Variants in PARN observed in about 807,000 individuals in gnomAD.
PARN encodes the protein poly(A)-specific ribonuclease PARN.
A neutral mutation model predicts 102.8 loss-of-function variants in PARN; 71 were observed. The ratio of observed to expected loss-of-function variants is 0.69; its 90% CI spans 0.57 to 0.84. PARN has a LOEUF of 0.84. Ranked by LOEUF, PARN falls within the 40% of genes least tolerant of loss-of-function variation. The pLI, the probability that PARN is intolerant of heterozygous loss-of-function variation, is 0.00. For missense variants in PARN, 782 were observed against 760.9 expected, an observed-to-expected ratio of 1.03 and a Z score of -0.33; for synonymous variants, 261 against 252.9, an observed-to-expected ratio of 1.03 and a Z score of -0.30.
At chr16:14,498,418 G>C (rs1248009593) in intron 21 of PARN, among the ~76,000 whole-genome samples, 1 of 152,124 alleles carries the variant, frequency 6.6e-6, no homozygotes, top group Admixed American at 6.5e-5. Flanking sequence ...CATGCTCCTA[G>C]CATTGGAAGC....
intron 18 of PARN, among the ~76,000 whole-genome samples, chr16:14,563,088 T>C (rs1248296035): frequency 6.6e-6 from 1 of 152,184 alleles, no homozygotes; most frequent in African/African-American, 2.4e-5. Flanking sequence ...CAGGAATACT[T>C]TGGATGGAGA....
At chr16:14,503,821 G>C (rs566853642) in intron 21 of PARN, among the ~76,000 whole-genome samples, 325 of 152,322 alleles carry the variant, frequency 2.1e-3, no homozygotes, top group Non-Finnish European at 3.6e-3. Flanking sequence ...CTTGTCCATA[G>C]TCTTGCAGCT....
intron 11 of PARN, among the ~76,000 whole-genome samples, chr16:14,603,229 C>G (rs544627044): frequency 6.6e-6 from 1 of 152,242 alleles, no homozygotes; most frequent in South Asian, 2.1e-4. Context: ...CACCTGGCCT[C>G]TAACTGGCAC....
At chr16:14,553,913 A>G (rs939430343) in intron 20 of PARN, among the ~76,000 whole-genome samples, 152 bp downstream of exon 20, 2 of 152,268 alleles carry the variant, frequency 1.3e-5, no homozygotes, top group African/African-American at 4.8e-5. Flanking sequence ...CAAAGATAAC[A>G]GTATCCTAAA....
intron 18 of PARN, among the ~76,000 whole-genome samples, chr16:14,573,692 G>A (rs1222256058): frequency 2.0e-5 from 3 of 151,978 alleles, no homozygotes; most frequent in Non-Finnish European, 4.4e-5. Context: ...TTATGGGGGC[G>A]GATCTTTCCT....
At chr16:14,615,897 T>G (rs563951625) in intron 6 of PARN, among the ~76,000 whole-genome samples, 220 of 145,426 alleles carry the variant, frequency 1.5e-3, no homozygotes, top group Non-Finnish European at 2.3e-3. Context: ...TGAGATTCTG[T>G]CTCAAAAAAA....
At chr16:14,517,674 A>C (rs1965524172) in intron 21 of PARN, among the ~76,000 whole-genome samples, 2 of 152,190 alleles carry the variant, frequency 1.3e-5, no homozygotes, top group Non-Finnish European at 1.5e-5. Context: ...ACAGAAAATA[A>C]AAGGTTATTT....
intron 22 of PARN, among the ~76,000 whole-genome samples, chr16:14,461,128 C>T (rs1156948012): frequency 6.6e-6 from 1 of 152,160 alleles, no homozygotes; most frequent in East Asian, 1.9e-4. Flanking sequence ...GGAGGACATT[C>T]CATAGATTAG....
chr16:14,545,431 A>G (rs1437291774), intron 21 of PARN, among the ~76,000 whole-genome samples: 4 of 152,252 alleles, frequency 2.6e-5, no homozygotes, highest in Non-Finnish European at 5.9e-5. Flanking sequence ...TTTCTAAATA[A>G]TCCAGGATCA....
In PARN at chr16:14,627,254, G is replaced by A. The variant is rs372872068; in HGVS notation, c.245+15C>T. On this transcript the variant is annotated intron_variant, in intron 4 of 23. Coordinates refer to ENST00000437198, the MANE Select transcript of PARN (RefSeq NM_002582.4). Reference sequence around the variant, plus strand: ...CACAAAAACGGAATTCCCAACGTTTGTTAACACAACCTACTTTGAATCTGT... The same window carrying A: ...CACAAAAACGGAATTCCCAACGTTTATTAACACAACCTACTTTGAATCTGT... 38 of 1,589,712 alleles carry A rather than the reference G, an allele frequency of 2.4e-5. No homozygotes were observed. The East Asian group carries it at 2.9e-4, about 12-fold the overall frequency.
At chr16:14,537,600 C>T (rs1966664242) in intron 21 of PARN, among the ~76,000 whole-genome samples, 2 of 151,258 alleles carry the variant, frequency 1.3e-5, no homozygotes, top group Non-Finnish European at 2.9e-5. Context: ...ACCATTTAGC[C>T]AAAAAAAAGA....
At chr16:14,448,077 C>T (rs1009543517) in intron 22 of PARN, among the ~76,000 whole-genome samples, 5 of 152,024 alleles carry the variant, frequency 3.3e-5, no homozygotes, top group Admixed American at 2.0e-4. Context: ...CTCCGCCTCC[C>T]GGATTCAAGT....
At chr16:14,534,239 A>AG (rs1274658363) in intron 21 of PARN, among the ~76,000 whole-genome samples, 2 of 151,298 alleles carry the variant, frequency 1.3e-5, no homozygotes, top group African/African-American at 4.8e-5. Context: ...AAAAAAAAAA[A>AG]GGCAATACTT....
At chr16:14,558,708 A>C (rs1161900079) in intron 18 of PARN, among the ~76,000 whole-genome samples, 1 of 152,216 alleles carries the variant, frequency 6.6e-6, no homozygotes, top group Non-Finnish European at 1.5e-5. Flanking sequence ...AAATGTCAAA[A>C]CATGGATAAC....
At chr16:14,593,492 T>TAAAAAAAAAAAAAAAAA (rs35329440) in intron 12 of PARN, 114 bp from the exon 13 acceptor site, 1 of 31,608 alleles carries the variant, frequency 3.2e-5, no homozygotes. Flanking sequence ...TTTCCAGACT[T>TAAAAAAAAAAAAAAAAA]AAAAAAAAAA....
intron 22 of PARN, among the ~76,000 whole-genome samples, chr16:14,451,843 TAAAAAAAAAAAAAA>T (rs1184998225): frequency 1.8e-5 from 1 of 54,620 alleles, no homozygotes; most frequent in Non-Finnish European, 3.6e-5. Flanking sequence ...ACCCCGTCTC[TAAAAAAAAAAAAAA>T]AAAAAAAAAT....
chr16:14,564,629 C>T (rs1567390928), intron 18 of PARN, among the ~76,000 whole-genome samples: 1 of 152,146 alleles, frequency 6.6e-6, no homozygotes, highest in Non-Finnish European at 1.5e-5. Flanking sequence ...TAATGACACA[C>T]ACACAGGCCT....
intron 21 of PARN, among the ~76,000 whole-genome samples, chr16:14,532,860 AC>A (rs1232194167): frequency 4.3e-4 from 63 of 145,116 alleles, no homozygotes; most frequent in Non-Finnish European, 6.7e-4. Context: ...CGGGGGGCTG[AC>A]CCCCCCACCT....
intron 16 of PARN, among the ~76,000 whole-genome samples, chr16:14,583,411 C>T (rs1215529467): frequency 6.6e-6 from 1 of 152,106 alleles, no homozygotes; most frequent in African/African-American, 2.4e-5. Flanking sequence ...TCTTTAACTC[C>T]ATATTAAATA....
Sources: gnomAD v4.1 joint callset for allele counts (sites outside exome capture counted in the v4.1 genomes callset) on GRCh38, gnomAD v4.1.1 for gene constraint, MANE v1.5 for transcripts, NCBI Gene and HGNC (gene_info 2026-07-23, HGNC 2026-07-21) for gene names.